PRORP: variants seen among roughly 807,000 people sequenced by gnomAD.
PRORP encodes mitochondrial ribonuclease P catalytic subunit.
PRORP carries 51 observed loss-of-function variants against 59.4 expected under a neutral mutation model. The ratio of observed to expected loss-of-function variants is 0.86; its 90% CI spans 0.69 to 1.08. The LOEUF is 1.08. PRORP is among the 50% of genes least tolerant of loss of function. The pLI, the probability that PRORP is intolerant of heterozygous loss-of-function variation, is 0.00. For missense variants in PRORP, 646 were observed against 690.3 expected (o/e 0.94, Z 0.72); for synonymous variants, 231 against 245.6 (o/e 0.94, Z 0.55).
chr14:35,262,614 A>T (rs557941800), intron 5 of PRORP: 1 of 736,538 alleles, frequency 1.4e-6, no homozygotes, highest in African/African-American at 1.7e-5. Context: ...AAAGAAAGAA[A>T]AGAGGCTCCA....
At chr14:35,167,936 T>A (rs2048225564) in intron 4 of PRORP, among the ~76,000 whole-genome samples, 1 of 152,224 alleles carries the variant, frequency 6.6e-6, no homozygotes, top group South Asian at 2.1e-4. Context: ...AGACACCAGA[T>A]AATATTTTCT....
intron 4 of PRORP, among the ~76,000 whole-genome samples, chr14:35,164,968 A>G (rs1462700038): frequency 6.6e-6 from 1 of 152,100 alleles, no homozygotes; most frequent in Non-Finnish European, 1.5e-5. Flanking sequence ...TTTCTCTCCC[A>G]TTGTTTGCAG....
chr14:35,261,853 A>G (rs979358306), intron 5 of PRORP, among the ~76,000 whole-genome samples: 2 of 152,182 alleles, frequency 1.3e-5, no homozygotes, highest in Non-Finnish European at 2.9e-5. Flanking sequence ...GTTTCAGGCC[A>G]GGGCTTTTAT....
chr14:35,172,530 CT>C (rs2048348281), intron 4 of PRORP, among the ~76,000 whole-genome samples: 51 of 143,302 alleles, frequency 3.6e-4, no homozygotes, highest in Admixed American at 5.7e-4. Context: ...CTCCCTCTCT[CT>C]CCTGTCCTCT....
At chr14:35,250,045 C>T (rs1316868482) in intron 5 of PRORP, among the ~76,000 whole-genome samples, 4 of 151,888 alleles carry the variant, frequency 2.6e-5, no homozygotes. Flanking sequence ...GCCAGGAGTT[C>T]GAGACCAGCC....
intron 5 of PRORP, among the ~76,000 whole-genome samples, chr14:35,252,670 A>C (rs1047330966): frequency 6.6e-6 from 1 of 152,020 alleles, no homozygotes; most frequent in Non-Finnish European, 1.5e-5. Context: ...CACACCAGCT[A>C]TATCTCATCT....
chr14:35,248,170 G>T (rs925221577), intron 5 of PRORP, among the ~76,000 whole-genome samples: 1 of 152,034 alleles, frequency 6.6e-6, no homozygotes, highest in African/African-American at 2.4e-5. Context: ...GGACATGGTG[G>T]GTCTAATGTA....
At chr14:35,189,703 A>T (rs898373246) in intron 5 of PRORP, among the ~76,000 whole-genome samples, 1 of 152,206 alleles carries the variant, frequency 6.6e-6, no homozygotes. Flanking sequence ...TCTGTTGTCT[A>T]TTAACAATGA....
At chr14:35,215,609 T>G (rs2049567615) in intron 5 of PRORP, among the ~76,000 whole-genome samples, 1 of 152,060 alleles carries the variant, frequency 6.6e-6, no homozygotes. Flanking sequence ...AAAAATTATC[T>G]GGGAATGGTG....
intron 4 of PRORP, among the ~76,000 whole-genome samples, chr14:35,152,446 T>C (rs2047783528): frequency 6.6e-6 from 1 of 152,224 alleles, no homozygotes; most frequent in South Asian, 2.1e-4. Context: ...AGCTGTTGGG[T>C]ACACCTCCCA....
chr14:35,132,945 G>A (rs577977427), intron 4 of PRORP, among the ~76,000 whole-genome samples: 34 of 151,996 alleles, frequency 2.2e-4, no homozygotes, highest in African/African-American at 8.0e-4. Flanking sequence ...TTTTTGAGAC[G>A]GAGTGTTGTT....
At chr14:35,168,933 T>G (rs2048249257) in intron 4 of PRORP, among the ~76,000 whole-genome samples, 1 of 147,204 alleles carries the variant, frequency 6.8e-6, no homozygotes, top group Non-Finnish European at 1.5e-5. Context: ...GGGATTGAGG[T>G]TCATTCATTT....
intron 5 of PRORP, among the ~76,000 whole-genome samples, chr14:35,191,842 T>C (rs11846137): frequency 0.06 from 9,021 of 151,410 alleles, 489 homozygotes; most frequent in Admixed American, 0.18. Flanking sequence ...ACTACTCCTA[T>C]ATCCAGTAGA....
chr14:35,132,283 C>A (rs2047262586), intron 4 of PRORP, among the ~76,000 whole-genome samples: 1 of 149,546 alleles, frequency 6.7e-6, no homozygotes, highest in Middle Eastern at 3.3e-3. Context: ...CGTGGTGAAA[C>A]CCCGTCTCTA....
rs543190887 is a variant in PRORP, at chr14:35,136,461, G to A, written c.1167+8850G>A. Among the ~76,000 whole-genome samples, 26 of 146,182 alleles carry A rather than the reference G, an allele frequency of 1.8e-4. 1 individual carries two copies. Among genetic ancestry groups the A allele is most frequent in the Non-Finnish European group, 3.8e-4 (25 of 65,698 alleles). On this transcript the variant is annotated intron_variant, in intron 4 of 7. Coordinates refer to ENST00000534898, the MANE Select transcript of PRORP (RefSeq NM_014672.4). ...GCAATCTCTGCTTACCGCAACCTCCGCCTCTCGGGTTTAAGCAATTCTCCT... is the reference window on the plus strand; with the variant it reads ...GCAATCTCTGCTTACCGCAACCTCCACCTCTCGGGTTTAAGCAATTCTCCT...
At chr14:35,158,867 A>G (rs953590125) in intron 4 of PRORP, 3 of 306,034 alleles carry the variant, frequency 9.8e-6, no homozygotes, top group African/African-American at 6.7e-5. Flanking sequence ...GGAGAATGCA[A>G]ATCTATGAGG....
At chr14:35,233,334 T>C (rs1194057737) in intron 5 of PRORP, among the ~76,000 whole-genome samples, 1 of 150,232 alleles carries the variant, frequency 6.7e-6, no homozygotes, top group Non-Finnish European at 1.5e-5. Context: ...TAACTTTGTC[T>C]CTAGAATTGT....
intron 5 of PRORP, among the ~76,000 whole-genome samples, chr14:35,221,663 T>G (rs1173008999): frequency 6.6e-6 from 1 of 152,160 alleles, no homozygotes; most frequent in African/African-American, 2.4e-5. Flanking sequence ...GGAGCATAAA[T>G]GTGGTTAGAG....
intron 7 of PRORP, among the ~76,000 whole-genome samples, chr14:35,272,887 C>A (rs2051228974): frequency 6.6e-6 from 1 of 152,148 alleles, no homozygotes; most frequent in Non-Finnish European, 1.5e-5. Flanking sequence ...CTACACACAT[C>A]CTCCTGTGTA....
Sources: gnomAD v4.1 joint callset for allele counts (sites outside exome capture counted in the v4.1 genomes callset) on GRCh38, gnomAD v4.1.1 for gene constraint, MANE v1.5 for transcripts, NCBI Gene and HGNC (gene_info 2026-07-23, HGNC 2026-07-21) for gene names.